PRELID2: variants seen among roughly 807,000 people sequenced by gnomAD.
PRELID2 encodes the protein PRELI domain containing 2.
PRELID2 carries 25 observed loss-of-function variants against 28.4 expected under a neutral mutation model. That is an observed-to-expected ratio of 0.88 (90% CI 0.64 to 1.23). The LOEUF (loss-of-function observed/expected upper bound fraction) is 1.23. Among genes scored for constraint, PRELID2 ranks in the 50% most tolerant of loss-of-function variants. PRELID2 has a pLI of 0.00. For synonymous variants in PRELID2, 76 were observed against 71.6 expected (o/e 1.06, Z -0.31); for missense variants, 201 against 214.4 (o/e 0.94, Z 0.39).
chr5:145,374,124 T>A, the PRELID2 span, among the ~76,000 whole-genome samples: 1 of 151,804 alleles, frequency 6.6e-6, no homozygotes, highest in East Asian at 1.9e-4. Flanking sequence ...CTGGTACTGG[T>A]TTTTCCTTTC....
chr5:145,469,889 C>T (rs987132803), downstream of PRELID2, among the ~76,000 whole-genome samples: 6 of 152,132 alleles, frequency 3.9e-5, no homozygotes, highest in Non-Finnish European at 5.9e-5. Flanking sequence ...ATCTGCAAGA[C>T]ATCAGCTGAG....
At chr5:145,510,860 T>A (rs937318360) in intron 1 of PRELID2, among the ~76,000 whole-genome samples, 1 of 152,210 alleles carries the variant, frequency 6.6e-6, no homozygotes, top group Non-Finnish European at 1.5e-5. Flanking sequence ...CAAATCAGCA[T>A]ACCTGATTAG....
chr5:145,441,578 A>G, the PRELID2 span, among the ~76,000 whole-genome samples: 17 of 152,104 alleles, frequency 1.1e-4, no homozygotes, highest in African/African-American at 3.6e-4. Flanking sequence ...CTTAACTGTA[A>G]GCAAAAAAAT....
At chr5:145,705,195 CTTTT>C (rs199698718) in intron 1 of PRELID2, among the ~76,000 whole-genome samples, 1 of 144,848 alleles carries the variant, frequency 6.9e-6, no homozygotes, top group South Asian at 2.2e-4. Context: ...CAAAAAGTAC[CTTTT>C]TTTTTTTTTG....
In PRELID2 at chr5:145,532,255, C is replaced by A. The variant is rs144366439; in HGVS notation, n.71-58940G>T. 4.6e-3 allele frequency among the ~76,000 whole-genome samples: 702 copies of A among 152,124 alleles called. 7 individuals are homozygous for A. Among genetic ancestry groups the A allele is most frequent in the African/African-American group, 0.015 (637 of 41,518 alleles). On this transcript the variant is annotated intron_variant and non_coding_transcript_variant, in intron 1 of 2. Transcript: ENST00000510259. ...CATCACCAAATAGAGATATGAATAA[C>A]AATACTTACTCATAGGGCTTGGAAA... is the stretch of plus-strand genomic sequence containing the variant.
downstream of PRELID2, among the ~76,000 whole-genome samples, chr5:145,466,816 C>T (rs1469468301): frequency 2.0e-5 from 3 of 152,044 alleles, no homozygotes; most frequent in East Asian, 5.8e-4. Flanking sequence ...TAACCCCAAC[C>T]CACTCCCATT....
the PRELID2 span, among the ~76,000 whole-genome samples, chr5:145,392,021 T>A: frequency 6.6e-6 from 1 of 152,242 alleles, no homozygotes; most frequent in South Asian, 2.1e-4. Flanking sequence ...TTCCCACATT[T>A]TCCTGTCTTC....
At chr5:145,789,325 G>C (rs1353272061) in intron 5 of PRELID2, among the ~76,000 whole-genome samples, 1 of 152,116 alleles carries the variant, frequency 6.6e-6, no homozygotes, top group Non-Finnish European at 1.5e-5. Context: ...ATAGAATAGA[G>C]AGACCAGAAA....
chr5:145,350,403 T>C, the PRELID2 span, among the ~76,000 whole-genome samples: 1 of 152,212 alleles, frequency 6.6e-6, no homozygotes, highest in Admixed American at 6.5e-5. Flanking sequence ...GGGCTCCAAG[T>C]TTCAAAATCA....
intron 1 of PRELID2, among the ~76,000 whole-genome samples, chr5:145,548,927 T>C (rs1252081490): frequency 6.6e-6 from 1 of 152,260 alleles, no homozygotes; most frequent in African/African-American, 2.4e-5. Flanking sequence ...TGCCACTCAT[T>C]TGTACCCACC....
chr5:145,488,762 A>G (rs1752244054), intron 1 of PRELID2, among the ~76,000 whole-genome samples: 2 of 152,158 alleles, frequency 1.3e-5, no homozygotes, highest in African/African-American at 2.4e-5. Flanking sequence ...TTAAGCCTCT[A>G]TACAATCGAG....
chr5:145,661,863 A>G (rs1351596186), intron 1 of PRELID2, among the ~76,000 whole-genome samples: 1 of 152,020 alleles, frequency 6.6e-6, no homozygotes, highest in Admixed American at 6.6e-5. Flanking sequence ...AATAGATTAT[A>G]TTTTCTCAAG....
At chr5:145,764,281 C>A (rs1252434850) in intron 6 of PRELID2, among the ~76,000 whole-genome samples, 1 of 152,160 alleles carries the variant, frequency 6.6e-6, no homozygotes, top group African/African-American at 2.4e-5. Flanking sequence ...AGTAGTTCTG[C>A]AATCCCCCAC....
chr5:145,324,311 A>G, the PRELID2 span, among the ~76,000 whole-genome samples: 1 of 152,214 alleles, frequency 6.6e-6, no homozygotes, highest in South Asian at 2.1e-4. Context: ...GACATGTCCA[A>G]AAATGCAGAG....
the PRELID2 span, among the ~76,000 whole-genome samples, chr5:145,416,610 G>T: frequency 2.0e-5 from 3 of 152,104 alleles, no homozygotes; most frequent in African/African-American, 7.2e-5. Context: ...TGAGAACAAA[G>T]AGACAATGTA....
chr5:145,587,549 T>G (rs58980830), intron 1 of PRELID2, among the ~76,000 whole-genome samples: 16,612 of 152,156 alleles, frequency 0.11, 2,445 homozygotes, highest in African/African-American at 0.34. Context: ...TTGGGGGCAA[T>G]AGAGAACCTA....
At chr5:145,429,589 G>A in the PRELID2 span, among the ~76,000 whole-genome samples, 1 of 152,172 alleles carries the variant, frequency 6.6e-6, no homozygotes, top group South Asian at 2.1e-4. Flanking sequence ...ACGTAGGTAG[G>A]TCATGTAGAC....
the PRELID2 span, among the ~76,000 whole-genome samples, chr5:145,277,786 C>A: frequency 7.9e-5 from 12 of 152,178 alleles, no homozygotes; most frequent in Non-Finnish European, 1.3e-4. Flanking sequence ...TAAAGGCTGA[C>A]TCTCCTCACT....
At chr5:145,628,411 C>T (rs1245717730) in intron 1 of PRELID2, among the ~76,000 whole-genome samples, 5 of 152,140 alleles carry the variant, frequency 3.3e-5, no homozygotes, top group East Asian at 1.9e-4. Flanking sequence ...GCAACCTCCA[C>T]CTCCCGGGTT....
Sources: gnomAD v4.1 joint callset for allele counts (sites outside exome capture counted in the v4.1 genomes callset) on GRCh38, gnomAD v4.1.1 for gene constraint, MANE v1.5 for transcripts, NCBI Gene and HGNC (gene_info 2026-07-23, HGNC 2026-07-21) for gene names.